Variants in PRKCH observed in about 807,000 individuals in gnomAD.
The protein encoded by PRKCH is protein kinase C eta.
PRKCH carries 28 observed loss-of-function variants against 82.5 expected under a neutral mutation model. The observed-to-expected ratio is 0.34, with a 90% CI of 0.25 to 0.47. The LOEUF (loss-of-function observed/expected upper bound fraction) is 0.47, where lower values mean the gene tolerates loss of function less well. Among genes scored for constraint, PRKCH ranks in the 20% least tolerant of loss-of-function variants. The pLI, the probability that PRKCH is intolerant of heterozygous loss-of-function variation, is 1.00. For synonymous variants in PRKCH, 322 were observed against 327.4 expected, an observed-to-expected ratio of 0.98 and a Z score of 0.18; for missense variants, 705 against 881.8, an observed-to-expected ratio of 0.80 and a Z score of 2.54.
At chr14:61,405,164 T>G (rs1488579134) in intron 2 of PRKCH, among the ~76,000 whole-genome samples, 4 of 152,220 alleles carry the variant, frequency 2.6e-5, no homozygotes, top group Non-Finnish European at 4.4e-5. Context: ...ATGGTTTCTT[T>G]TTGTTCTAAG....
At chr14:61,501,565 A>T (rs566715051) in intron 10 of PRKCH, among the ~76,000 whole-genome samples, 1 of 151,864 alleles carries the variant, frequency 6.6e-6, no homozygotes, top group East Asian at 1.9e-4. Flanking sequence ...TTATCCCTCA[A>T]TTTCTGGCAC....
At chr14:61,232,379 C>G (rs1257052247) in intron 1 of PRKCH, among the ~76,000 whole-genome samples, 2 of 152,208 alleles carry the variant, frequency 1.3e-5, no homozygotes, top group Non-Finnish European at 2.9e-5. Flanking sequence ...GCTTGCGCCA[C>G]CATGCCCATT....
At chr14:61,367,075 G>A (rs904638137) in intron 1 of PRKCH, among the ~76,000 whole-genome samples, 3 of 152,146 alleles carry the variant, frequency 2.0e-5, no homozygotes, top group Middle Eastern at 3.4e-3. Context: ...ATGACCCAAG[G>A]GTTATATGCA....
intron 1 of PRKCH, among the ~76,000 whole-genome samples, chr14:61,271,233 C>T (rs2045151122): frequency 6.6e-6 from 1 of 152,152 alleles, no homozygotes; most frequent in East Asian, 1.9e-4. Flanking sequence ...GATAACCACT[C>T]TCCTAAATTG....
At chr14:61,338,491 C>T (rs2045887297) in intron 1 of PRKCH, among the ~76,000 whole-genome samples, 2 of 152,018 alleles carry the variant, frequency 1.3e-5, no homozygotes, top group African/African-American at 4.8e-5. Flanking sequence ...TTAGCTGAAT[C>T]CTAGGTTCCT....
At chr14:61,445,503 A>G (rs1005712308) in intron 3 of PRKCH, among the ~76,000 whole-genome samples, 189 bp from the exon 4 acceptor site, 3 of 152,216 alleles carry the variant, frequency 2.0e-5, no homozygotes, top group African/African-American at 7.2e-5. Flanking sequence ...GCACATTCTA[A>G]TCCAGCACAT....
intron 2 of PRKCH, among the ~76,000 whole-genome samples, chr14:61,427,336 T>C (rs998515932): frequency 6.6e-6 from 1 of 152,136 alleles, no homozygotes; most frequent in Non-Finnish European, 1.5e-5. Flanking sequence ...GTAGATGAAG[T>C]CTCATAGGTG....
At chr14:61,262,409 G>A (rs766617029) in intron 1 of PRKCH, among the ~76,000 whole-genome samples, 2 of 151,992 alleles carry the variant, frequency 1.3e-5, no homozygotes, top group East Asian at 1.9e-4. Flanking sequence ...AAAGCATTGC[G>A]GGGATCAAAA....
At chr14:61,489,233 C>G (rs1284351621) in intron 10 of PRKCH, among the ~76,000 whole-genome samples, 1 of 152,132 alleles carries the variant, frequency 6.6e-6, no homozygotes, top group East Asian at 1.9e-4. Flanking sequence ...AAATAATCCC[C>G]CAGAAGATGC....
intron 1 of PRKCH, among the ~76,000 whole-genome samples, chr14:61,243,333 G>A (rs1189288846): frequency 2.8e-5 from 4 of 144,464 alleles, no homozygotes; most frequent in Admixed American, 7.1e-5. Context: ...GGGAGGTGGA[G>A]ATTGCAATGA....
intron 12 of PRKCH, among the ~76,000 whole-genome samples, chr14:61,547,294 G>T (rs540625079): frequency 1.3e-5 from 2 of 152,172 alleles, no homozygotes; most frequent in African/African-American, 2.4e-5. Context: ...CCTCTCTGTG[G>T]TCTCGTCAGA....
chr14:61,544,648 C>A (rs1174603180), intron 12 of PRKCH: 3 of 152,206 alleles, frequency 2.0e-5, no homozygotes, highest in African/African-American at 7.2e-5. Context: ...CATCAGCCTC[C>A]CAGATTTGGC....
chr14:61,472,636 C>G (rs750103314), intron 9 of PRKCH, among the ~76,000 whole-genome samples: 24 of 152,026 alleles, frequency 1.6e-4, no homozygotes, highest in Non-Finnish European at 2.9e-4. Context: ...GCTGCATTAG[C>G]GAACTGGGAC....
chr14:61,372,963 A>G (rs1276179348), intron 1 of PRKCH, among the ~76,000 whole-genome samples: 1 of 151,986 alleles, frequency 6.6e-6, no homozygotes, highest in African/African-American at 2.4e-5. Context: ...CTGCTGAGAG[A>G]GTCCTGCCAG....
chr14:61,384,387 C>T (rs1429738186), intron 1 of PRKCH, among the ~76,000 whole-genome samples: 2 of 152,112 alleles, frequency 1.3e-5, no homozygotes, highest in Non-Finnish European at 2.9e-5. Context: ...GATGCCTAGA[C>T]CCCGTTCCCT....
intron 1 of PRKCH, among the ~76,000 whole-genome samples, chr14:61,353,337 A>T (rs2046106819): frequency 6.6e-6 from 1 of 152,224 alleles, no homozygotes; most frequent in Non-Finnish European, 1.5e-5. Context: ...TACTTATGAG[A>T]TATAAAGATT....
chr14:61,548,955 G>A (rs562684845), intron 13 of PRKCH, among the ~76,000 whole-genome samples: 5 of 151,872 alleles, frequency 3.3e-5, no homozygotes, highest in Admixed American at 6.5e-5. Context: ...TCTTTGCAGC[G>A]TTTGTTTATA....
intron 1 of PRKCH, among the ~76,000 whole-genome samples, chr14:61,189,378 T>C (rs563635027): frequency 7.5e-6 from 1 of 132,622 alleles, no homozygotes; most frequent in African/African-American, 3.1e-5. Context: ...AAAGGGGGGA[T>C]GGAAGTGTGC....
chr14:61,492,751 G>A (rs1413769916), intron 10 of PRKCH, among the ~76,000 whole-genome samples: 1 of 152,172 alleles, frequency 6.6e-6, no homozygotes, highest in Non-Finnish European at 1.5e-5. Flanking sequence ...CTTTCTGTGG[G>A]GTGAGAGAGA....
Sources: gnomAD v4.1 joint callset for allele counts (sites outside exome capture counted in the v4.1 genomes callset) on GRCh38, gnomAD v4.1.1 for gene constraint, MANE v1.5 for transcripts, NCBI Gene and HGNC (gene_info 2026-07-23, HGNC 2026-07-21) for gene names.